The following PCLO variants were observed in gnomAD, a reference collection of about 807,000 sequenced individuals.
PCLO encodes piccolo presynaptic cytomatrix protein, also known as protein piccolo.
Under a neutral mutation model 427.5 loss-of-function variants are expected in PCLO, and 82 were observed. That is an observed-to-expected ratio of 0.19 (90% confidence interval 0.16 to 0.23). PCLO has a LOEUF of 0.23. PCLO is among the 10% of genes least tolerant of loss of function. PCLO has a pLI of 1.00. For missense variants in PCLO, 6,239 were observed against 6,115.9 expected, an observed-to-expected ratio of 1.02 and a Z score of -0.67; for synonymous variants, 2,357 against 2,155.4, an observed-to-expected ratio of 1.09 and a Z score of -2.59.
intron 3 of PCLO, among the ~76,000 whole-genome samples, chr7:83,133,660 A>G (rs767015793): frequency 1.3e-5 from 2 of 151,706 alleles, no homozygotes; most frequent in Non-Finnish European, 2.9e-5. Context: ...TTCAAACAGA[A>G]TTATAAAAAG....
chr7:82,841,492 C>A lies in PCLO; in HGVS notation c.14064G>T (p.Lys4688Asn), dbSNP rs767058188. ...HGSSKPTDGT[K>N]VVSHPITGEI... ...CTCCTGTAATTGGATGAGAGACAAC[C>A]TTTGTTCCATCGGTAGGCTGTAATA... Residue 4688 changes from lysine (K) to asparagine (N), a missense_variant, in exon 14 of 25, where the codon AAG becomes AAT. Physicochemically the swap from Lys to Asn is moderately conservative, Grantham distance 94. Transcript: ENST00000333891. 1 of 1,594,076 alleles carries A rather than the reference C, an allele frequency of 6.3e-7. No homozygotes were observed. Among genetic ancestry groups the A allele is most frequent in the Non-Finnish European group, 8.6e-7 (1 of 1,162,824 alleles).
rs181143686 is a variant in PCLO, at chr7:82,953,945, G to C, written c.7008C>G (p.Ser2336=). 1.2e-6 allele frequency: 2 copies of C among 1,613,820 alleles called. No homozygotes were observed. The highest frequency in any genetic ancestry group is 1.1e-5 in the South Asian group (1 of 91,068). ...AAGGTGGGTGATCAAACACGGTTTC[G>C]GATAAGCTACTTTTTGTTCGTTCGG... is the stretch of plus-strand genomic sequence containing the variant. ...LEAERTKSSL[S]ETVFDHPPSS... is the part of the protein sequence containing the mutation. Residue 2336 remains serine (S), a synonymous_variant, in exon 5 of 25, where the codon TCC becomes TCG. Coordinates refer to ENST00000333891, the MANE Select transcript of PCLO (RefSeq NM_033026.6).
chr7:82,920,968 C>A (rs1045949865), intron 6 of PCLO, among the ~76,000 whole-genome samples: 1 of 151,592 alleles, frequency 6.6e-6, no homozygotes, highest in Non-Finnish European at 1.5e-5. Context: ...TGAAAACATT[C>A]AATTTATTGA....
In PCLO at chr7:82,950,617, C is replaced by A. The variant is rs200557838; in HGVS notation, c.9971G>T (p.Gly3324Val). ...QIYQYNYDPS[G>V]TASPQTTTEQ... ...TGTAGTGGTTTGTGGAGAAGCAGTT[C>A]CAGAAGGGTCATAGTTATACTGGTA... The change falls in exon 6 of 25, where the codon GGA becomes GTA. Residue 3324 changes from glycine to valine, a missense_variant. Physicochemically the swap from Gly to Val is moderately radical, Grantham distance 109 (BLOSUM62 -3). This residue lies in a region of PCLO where 4,677 missense variants were observed against 4,468.4 expected (regional missense o/e 1.05). Transcript: ENST00000333891. The A allele has an allele frequency of 1.9e-6, 3 of 1,613,722 alleles. No individual in the cohort carries two copies. The highest frequency in any genetic ancestry group is 2.5e-6 in the Non-Finnish European group (3 of 1,179,846).
At chr7:82,931,127 T>A (rs1467403440) in intron 6 of PCLO, among the ~76,000 whole-genome samples, 1 of 152,136 alleles carries the variant, frequency 6.6e-6, no homozygotes, top group African/African-American at 2.4e-5. Context: ...TTCTCATTAT[T>A]TTACTTATAT....
At chr7:82,942,916 G>A (rs1795118619) in intron 6 of PCLO, among the ~76,000 whole-genome samples, 1 of 151,902 alleles carries the variant, frequency 6.6e-6, no homozygotes, top group Admixed American at 6.6e-5. Context: ...CAGTTTTAAA[G>A]TTAGTTTTAA....
At chr7:82,770,606 A>G (rs182956050) in intron 22 of PCLO, among the ~76,000 whole-genome samples, 15 of 152,038 alleles carry the variant, frequency 9.9e-5, no homozygotes, top group Non-Finnish European at 2.1e-4. Flanking sequence ...TCAGCTCTCT[A>G]TAATTTGTCC....
At position 83,155,644 on chromosome 7, in the gene PCLO, C is replaced by T. The variant is rs994345442; in HGVS notation, c.997G>A (p.Ala333Thr). ...GGCTTTGTTAGCCCTGAGGGCTGAG[C>T]TGGGGGCTTTGCAGGCCCAGGCTGT... ...KSQPGPAKPPAQPSGLTKPLA... is the reference protein window; with the variant it reads ...KSQPGPAKPPTQPSGLTKPLA... Residue 333 changes from alanine to threonine, a missense_variant, in exon 2 of 25, where the codon GCT becomes ACT. Around this residue, in one of 5 missense-constraint regions of PCLO, gnomAD observed 4,677 missense variants for 4,468.4 expected, o/e 1.05. Transcript: ENST00000333891. The T allele has an allele frequency of 6.2e-7, 1 of 1,612,570 alleles. No homozygotes were observed. Among genetic ancestry groups the T allele is most frequent in the African/African-American group, 1.3e-5 (1 of 74,564 alleles).
intron 3 of PCLO, among the ~76,000 whole-genome samples, chr7:82,978,667 C>A (rs1796077566): frequency 6.6e-6 from 1 of 151,788 alleles, no homozygotes; most frequent in South Asian, 2.1e-4. Flanking sequence ...CTCATTTAGT[C>A]AAATAATGCA....
At chr7:82,990,435 T>C (rs1390858461) in intron 3 of PCLO, among the ~76,000 whole-genome samples, 2 of 152,144 alleles carry the variant, frequency 1.3e-5, no homozygotes, top group East Asian at 3.9e-4. Flanking sequence ...TCTCACCTTT[T>C]ATATACCCAC....
chr7:83,094,210 C>CTTTTTTTTTTTT (rs767490139), intron 3 of PCLO, among the ~76,000 whole-genome samples: 1 of 126,020 alleles, frequency 7.9e-6, no homozygotes, highest in Non-Finnish European at 1.6e-5. Flanking sequence ...ATTTTTTTTT[C>CTTTTTTTTTTTT]TTTTTTTTTT....
rs1404262832 is a variant in PCLO at position 82,999,419 on chromosome 7, A to ATATTT, written c.3301-32933_3301-32932insAAATA. Among the ~76,000 whole-genome samples, 3 of 122,724 alleles carry ATATTT rather than the reference A, an allele frequency of 2.4e-5. No individual in the cohort carries two copies. The East Asian group carries it at 7.5e-4, about 31-fold the overall frequency. 80.5% of individuals were successfully genotyped at this position (122,724 alleles called of 152,430 possible). A position where few individuals can be genotyped will look rare whatever the true frequency, so the allele number is the denominator to read the frequency against. ...AATATATACTATTCCATTATATAAT[A>ATATTT]TATTATATATTTTATTATATATTAT... is the stretch of plus-strand genomic sequence containing the variant. On this transcript the variant is annotated intron_variant, in intron 3 of 24. Coordinates refer to ENST00000333891, the MANE Select transcript of PCLO (RefSeq NM_033026.6).
intron 3 of PCLO, among the ~76,000 whole-genome samples, chr7:83,027,444 T>A (rs925943997): frequency 2.0e-5 from 3 of 151,948 alleles, no homozygotes; most frequent in African/African-American, 4.8e-5. Flanking sequence ...TAACAGGATC[T>A]GAAATTGTGG....
At chr7:82,928,500 C>G (rs1348470846) in intron 6 of PCLO, among the ~76,000 whole-genome samples, 1 of 152,128 alleles carries the variant, frequency 6.6e-6, no homozygotes, top group Non-Finnish European at 1.5e-5. Context: ...CCTGCCTTAG[C>G]CTCCCGAGTA....
At chr7:82,783,293 G>C (rs1790912843) in intron 22 of PCLO, among the ~76,000 whole-genome samples, 1 of 152,158 alleles carries the variant, frequency 6.6e-6, no homozygotes, top group Non-Finnish European at 1.5e-5. Flanking sequence ...CCTTATCTTA[G>C]AGTTAAAGAA....
intron 3 of PCLO, among the ~76,000 whole-genome samples, chr7:83,068,679 T>C (rs1399101672): frequency 1.3e-5 from 2 of 152,174 alleles, no homozygotes; most frequent in African/African-American, 2.4e-5. Context: ...ACTGTAGGAA[T>C]GTAAATTAGT....
At chr7:83,153,590 G>GA (rs1792192290) in intron 2 of PCLO, among the ~76,000 whole-genome samples, 1 of 152,180 alleles carries the variant, frequency 6.6e-6, no homozygotes, top group African/African-American at 2.4e-5. Context: ...GCTGTTTGCA[G>GA]ATGTAATGCA....
intron 3 of PCLO, among the ~76,000 whole-genome samples, chr7:83,011,128 C>T (rs909143210): frequency 1.3e-5 from 2 of 151,786 alleles, no homozygotes; most frequent in African/African-American, 4.8e-5. Flanking sequence ...TAAACTGTAC[C>T]GTGATGGTCT....
chr7:82,794,459 C>CCTTTTTTTTTTTTTTTT, intron 22 of PCLO, among the ~76,000 whole-genome samples: 1 of 56,370 alleles, frequency 1.8e-5, no homozygotes, highest in East Asian at 5.9e-4. Flanking sequence ...AATTTTTTTT[C>CCTTTTTTTTTTTTTTTT]TTTTTTTTTT....
Sources: gnomAD v4.1 joint callset for allele counts (sites outside exome capture counted in the v4.1 genomes callset) on GRCh38, gnomAD v4.1.1 for gene constraint, gnomAD v4.1.1 regional missense constraint, MANE v1.5 for transcripts, NCBI Gene and HGNC (gene_info 2026-07-23, HGNC 2026-07-21) for gene names.